Variants in TSPYL1 observed in about 807,000 individuals in gnomAD.
The protein encoded by TSPYL1 is testis-specific Y-encoded-like protein 1.
TSPYL1 carries 16 observed loss-of-function variants against 20.1 expected under a neutral mutation model. That is an observed-to-expected ratio of 0.80 (90% CI 0.54 to 1.21). The LOEUF (loss-of-function observed/expected upper bound fraction) is 1.21, where lower values mean the gene tolerates loss of function less well. Ranked by LOEUF, TSPYL1 falls within the 50% of genes most tolerant of loss-of-function variation. TSPYL1 has a pLI of 0.00. For missense variants in TSPYL1, 560 were observed against 569.3 expected, an observed-to-expected ratio of 0.98 and a Z score of 0.17; for synonymous variants, 259 against 227.1, an observed-to-expected ratio of 1.14 and a Z score of -1.26.
At position 116,276,313 on chromosome 6, in the gene TSPYL1, G is replaced by A. The variant is rs1316284574; in HGVS notation, c.*2204C>T. On this transcript the variant is annotated 3_prime_UTR_variant, in exon 1 of 1. Coordinates refer to ENST00000368608, the MANE Select transcript of TSPYL1 (RefSeq NM_003309.4). The stretch of plus-strand genomic sequence containing the variant: ...CCTGCATACAAGTTAATAAAAAGAA[G>A]AGCCTGAATAACCTGAGAATATAAT... Among the ~76,000 whole-genome samples the A allele has an allele frequency of 2.0e-5, 3 of 152,184 alleles. No individual in the cohort carries two copies. Among genetic ancestry groups the A allele is most frequent in the Admixed American group, 2.0e-4 (3 of 15,278 alleles).
Position 116,278,290 on chromosome 6 carries a change from G to A in TSPYL1, c.*227C>T, listed in dbSNP as rs2114631072. The A allele has an allele frequency of 1.8e-6, 1 of 565,746 alleles. No homozygotes were observed. The highest frequency in any genetic ancestry group is 3.2e-5 in the East Asian group (1 of 31,734). 35.0% of individuals were successfully genotyped at this position (565,746 alleles called of 1,614,324 possible). On this transcript the variant is annotated 3_prime_UTR_variant, in exon 1 of 1. Transcript: ENST00000368608. ...AAGTAGTGTGAAGGATGACCTCGTAGCATGTGATATTCCAGAACAGCATGA... is the reference window on the plus strand; with the variant it reads ...AAGTAGTGTGAAGGATGACCTCGTAACATGTGATATTCCAGAACAGCATGA...
In TSPYL1 at chr6:116,276,770, A is replaced by G. The variant is rs1364254070; in HGVS notation, c.*1747T>C. 6.6e-6 allele frequency: 1 copy of G among 152,270 alleles called. No homozygotes were observed. The highest frequency in any genetic ancestry group is 1.5e-5 in the Non-Finnish European group (1 of 68,046). The allele number at this position is 152,270 out of a possible 1,614,324, so 9.4% of individuals were successfully genotyped here. On this transcript the variant is annotated 3_prime_UTR_variant, in exon 1 of 1. Coordinates refer to ENST00000368608, the MANE Select transcript of TSPYL1 (RefSeq NM_003309.4). ...TATTTTACCATCATGCATAAAAAGG[A>G]AGACAAATATGCCAATGGTACACTT... is the stretch of plus-strand genomic sequence containing the variant.
Position 116,279,733 on chromosome 6 carries a change from T to TA in TSPYL1, c.97dup (p.Tyr33LeufsTer19). ...CTCGCTTTGGTCGCGGAGCCTCAGG[T>TA]ACTGGTGTGCGTCCTGGTCGCTCGG... On this transcript the variant is annotated frameshift_variant, in exon 1 of 1. Transcript: ENST00000368608. LOFTEE classifies it low-confidence loss of function (END_TRUNC). 6.2e-7 allele frequency: 1 copy of TA among 1,611,762 alleles called. No individual in the cohort carries two copies. Among genetic ancestry groups the TA allele is most frequent in the Non-Finnish European group, 8.5e-7 (1 of 1,180,022 alleles).
In TSPYL1 at chr6:116,279,244, G is replaced by A; in HGVS notation, c.587C>T (p.Pro196Leu). Reference protein sequence around the residue: ...MEEQMEVEEQPPEGEEIEVAE... With the variant: ...MEEQMEVEEQLPEGEEIEVAE... Reference sequence around the variant, plus strand: ...CACTTCTATTTCTTCACCTTCTGGCGGCTGCTCCTCTACCTCCATCTGCTC... The same window carrying A: ...CACTTCTATTTCTTCACCTTCTGGCAGCTGCTCCTCTACCTCCATCTGCTC... The change falls in exon 1 of 1, where the codon CCG (proline) becomes CTG (leucine). Residue 196 changes from proline (P) to leucine (L), a missense_variant. Transcript: ENST00000368608. The A allele has an allele frequency of 6.2e-7, 1 of 1,608,654 alleles. No homozygotes were observed. The highest frequency in any genetic ancestry group is 8.5e-7 in the Non-Finnish European group (1 of 1,179,774).
In TSPYL1 at chr6:116,277,871, C is replaced by T. The variant is rs1163893079; in HGVS notation, c.*646G>A. 2 of 132,336 alleles carry T rather than the reference C, an allele frequency of 1.5e-5. No individual in the cohort carries two copies. The highest frequency in any genetic ancestry group is 5.7e-5 in the African/African-American group (2 of 35,086). 8.2% of individuals were successfully genotyped at this position (132,336 alleles called of 1,614,324 possible). ...GAGCCGAGATCGCGCCACTGCACTCCAACCTGGGCGACAGAGCAAGACTCC... is the reference window on the plus strand; with the variant it reads ...GAGCCGAGATCGCGCCACTGCACTCTAACCTGGGCGACAGAGCAAGACTCC... On this transcript the variant is annotated 3_prime_UTR_variant, in exon 1 of 1. Coordinates refer to ENST00000368608, the MANE Select transcript of TSPYL1 (RefSeq NM_003309.4).
Position 116,278,819 on chromosome 6 carries a change from T to C in TSPYL1, c.1012A>G (p.Lys338Glu). ...NPYFRNKLIV[K>E]EYEVRSSGRV... ...CCGGAGGATCTTACCTCATATTCCT[T>C]GACAATCAGCTTGTTTCTGAAGTAG... is the stretch of plus-strand genomic sequence containing the variant. Residue 338 changes from lysine to glutamate, a missense_variant, in exon 1 of 1, where the codon AAG becomes GAG. Coordinates refer to ENST00000368608, the MANE Select transcript of TSPYL1 (RefSeq NM_003309.4). 1 of 1,614,174 alleles carries C rather than the reference T, an allele frequency of 6.2e-7. No individual in the cohort carries two copies.
Position 116,279,104 on chromosome 6 carries a change from TCA to T in TSPYL1, c.725_726del (p.Val242GlufsTer52), listed in dbSNP as rs775957625. ...TGGAAGGCCCTGTCGGCCTGAGCAT[TCA>T]CAGTGTCCAGTTCCAGCTGGATGGC... ...LEAIQLELDT[V>X]NAQADRAFQQ... On this transcript the variant is annotated frameshift_variant, in exon 1 of 1. Transcript: ENST00000368608. LOFTEE classifies it high-confidence loss of function. 53 of 1,614,076 alleles carry T rather than the reference TCA, an allele frequency of 3.3e-5. No homozygotes were observed. The highest frequency in any genetic ancestry group is 6.7e-5 in the Admixed American group (4 of 60,028).
Position 116,278,304 on chromosome 6 carries a change from A to G in TSPYL1, c.*213T>C, listed in dbSNP as rs1463967300. 3 of 600,966 alleles carry G rather than the reference A, an allele frequency of 5.0e-6. No homozygotes were observed. The highest frequency in any genetic ancestry group is 8.9e-6 in the Non-Finnish European group (3 of 338,552). The allele number at this position is 600,966 out of a possible 1,614,324, so 37.2% of individuals were successfully genotyped here. On this transcript the variant is annotated 3_prime_UTR_variant, in exon 1 of 1. Coordinates refer to ENST00000368608, the MANE Select transcript of TSPYL1 (RefSeq NM_003309.4). ...ATGACCTCGTAGCATGTGATATTCC[A>G]GAACAGCATGAAGGTCATATGGAAG...
At position 116,278,458 on chromosome 6, in the gene TSPYL1, C is replaced by T. The variant is rs1177595874; in HGVS notation, c.*59G>A. The T allele has an allele frequency of 5.6e-6, 9 of 1,610,350 alleles. No homozygotes were observed. The highest frequency in any genetic ancestry group is 7.6e-6 in the Non-Finnish European group (9 of 1,178,194). On this transcript the variant is annotated 3_prime_UTR_variant, in exon 1 of 1. Coordinates refer to ENST00000368608, the MANE Select transcript of TSPYL1 (RefSeq NM_003309.4). ...GGCATACTCATTGCTGATGCCCAAG[C>T]ACAGGTCCAGCAGAAGGTGGTAGGA...
Position 116,275,657 on chromosome 6 carries a change from G to A in TSPYL1, c.*2860C>T, listed in dbSNP as rs1253836769. On this transcript the variant is annotated 3_prime_UTR_variant, in exon 1 of 1. Coordinates refer to ENST00000368608, the MANE Select transcript of TSPYL1 (RefSeq NM_003309.4). The stretch of plus-strand genomic sequence containing the variant: ...CTACTAAAAATACAAAAAATTAGCC[G>A]GGCGTGGTAGCACGTGCCTGTAGTC... 6.6e-6 allele frequency among the ~76,000 whole-genome samples: 1 copy of A among 152,114 alleles called. No homozygotes were observed. The highest frequency in any genetic ancestry group is 2.4e-5 in the African/African-American group (1 of 41,430).
At position 116,279,193 on chromosome 6, in the gene TSPYL1, T is replaced by A. The variant is rs764860145; in HGVS notation, c.638A>T (p.Glu213Val). Residue 213 changes from glutamate to valine, a missense_variant, in exon 1 of 1, where the codon GAG (glutamate) becomes GTG (valine). Coordinates refer to ENST00000368608, the MANE Select transcript of TSPYL1 (RefSeq NM_003309.4). ...CCAGGGCCCTTCTTCCTCCCTCGCC[T>A]CCTCCTCCAATCTATCCTCCTCCGC... is the stretch of plus-strand genomic sequence containing the variant. ...EVAEEDRLEE[E>V]AREEEGPWPL... is the part of the protein sequence containing the mutation. The A allele has an allele frequency of 9.9e-6, 16 of 1,611,138 alleles. No homozygotes were observed. The highest frequency in any genetic ancestry group is 1.4e-5 in the Non-Finnish European group (16 of 1,179,606).
At position 116,276,116 on chromosome 6, in the gene TSPYL1, A is replaced by C. The variant is rs1183595331; in HGVS notation, c.*2401T>G. Among the ~76,000 whole-genome samples the C allele has an allele frequency of 6.6e-6, 1 of 152,230 alleles. No individual in the cohort carries two copies. Among genetic ancestry groups the C allele is most frequent in the Non-Finnish European group, 1.5e-5 (1 of 68,042 alleles). ...CCAAAGTACACTAAGTGCATAAAGA[A>C]ACATTTATCTCCTCTATGGGGAACA... On this transcript the variant is annotated 3_prime_UTR_variant, in exon 1 of 1. Coordinates refer to ENST00000368608, the MANE Select transcript of TSPYL1 (RefSeq NM_003309.4).
chr6:116,279,465 T>C lies in TSPYL1; in HGVS notation c.366A>G (p.Lys122=), dbSNP rs750649872. The change falls in exon 1 of 1, where the codon AAA becomes AAG. Residue 122 remains lysine, a synonymous_variant. Coordinates refer to ENST00000368608, the MANE Select transcript of TSPYL1 (RefSeq NM_003309.4). Reference sequence around the variant, plus strand: ...CCTTCTCTCCACCCTGAACGCCCTTTTTCAGGCTGCGGTCGGCTGCCATCA... The same window carrying C: ...CCTTCTCTCCACCCTGAACGCCCTTCTTCAGGCTGCGGTCGGCTGCCATCA... The part of the protein sequence containing the change: ...SVVMAADRSL[K]KGVQGGEKAL... 1 of 1,613,090 alleles carries C rather than the reference T, an allele frequency of 6.2e-7. No individual in the cohort carries two copies. Among genetic ancestry groups the C allele is most frequent in the Admixed American group, 1.7e-5 (1 of 60,030 alleles).
At position 116,275,615 on chromosome 6, in the gene TSPYL1, A is replaced by G. The variant is rs1181414386; in HGVS notation, c.*2902T>C. On this transcript the variant is annotated 3_prime_UTR_variant, in exon 1 of 1. Coordinates refer to ENST00000368608, the MANE Select transcript of TSPYL1 (RefSeq NM_003309.4). ...GGAGATGGAGACCATCCTGGCTAAC[A>G]TGGTGAAACCCCATCTCTACTAAAA... 1.3e-5 allele frequency among the ~76,000 whole-genome samples: 2 copies of G among 152,174 alleles called. No homozygotes were observed. Among genetic ancestry groups the G allele is most frequent in the African/African-American group, 4.8e-5 (2 of 41,450 alleles).
chr6:116,278,267 G>C lies in TSPYL1; in HGVS notation c.*250C>G. ...ACAGTATCATTTGCTTGGCTTACAA[G>C]TAGTGTGAAGGATGACCTCGTAGCA... On this transcript the variant is annotated 3_prime_UTR_variant, in exon 1 of 1. Coordinates refer to ENST00000368608, the MANE Select transcript of TSPYL1 (RefSeq NM_003309.4). The C allele has an allele frequency of 4.0e-6, 2 of 505,792 alleles. No individual in the cohort carries two copies. The highest frequency in any genetic ancestry group is 7.5e-5 in the East Asian group (2 of 26,668). 31.3% of individuals were successfully genotyped at this position (505,792 alleles called of 1,614,324 possible).
Position 116,279,623 on chromosome 6 carries a change from C to CCGCG in TSPYL1, c.207_208insCGCG (p.Val70ArgfsTer75), listed in dbSNP as rs1773374555. On this transcript the variant is annotated frameshift_variant, in exon 1 of 1. Coordinates refer to ENST00000368608, the MANE Select transcript of TSPYL1 (RefSeq NM_003309.4). LOFTEE classifies it low-confidence loss of function (END_TRUNC). Reference sequence around the variant, plus strand: ...CCACGGCCCGCGGCATCCTGGGGTACGCCCCCCTCCTCTGAAGGCGGTGGA... The same window carrying CCGCG: ...CCACGGCCCGCGGCATCCTGGGGTACCGCGGCCCCCCTCCTCTGAAGGCGGTGGA... 6.2e-7 allele frequency: 1 copy of CCGCG among 1,603,076 alleles called. No homozygotes were observed.
chr6:116,275,317 A>G lies in TSPYL1; in HGVS notation c.*3200T>C, dbSNP rs1295653777. Among the ~76,000 whole-genome samples, 1 of 152,232 alleles carries G rather than the reference A, an allele frequency of 6.6e-6. No individual in the cohort carries two copies. The highest frequency in any genetic ancestry group is 2.4e-5 in the African/African-American group (1 of 41,458). ...CTGTTAAAATGCAAGTGAAAGATTT[A>G]ATGTTGAAAGTGTTTAGACGTTTTC... On this transcript the variant is annotated 3_prime_UTR_variant, in exon 1 of 1. Coordinates refer to ENST00000368608, the MANE Select transcript of TSPYL1 (RefSeq NM_003309.4).
chr6:116,279,199 TCCAATCTATCCTCCTCCG>T lies in TSPYL1; in HGVS notation c.614_631del (p.Ala205_Leu210del). On this transcript the variant is annotated inframe_deletion, in exon 1 of 1. Coordinates refer to ENST00000368608, the MANE Select transcript of TSPYL1 (RefSeq NM_003309.4). Reference sequence around the variant, plus strand: ...CCCTTCTTCCTCCCTCGCCTCCTCCTCCAATCTATCCTCCTCCGCCACTTCTATTTCTTCACCTTCTGG... The same window carrying T: ...CCCTTCTTCCTCCCTCGCCTCCTCCTCCACTTCTATTTCTTCACCTTCTGG... 1 of 1,610,672 alleles carries T rather than the reference TCCAATCTATCCTCCTCCG, an allele frequency of 6.2e-7. No homozygotes were observed. The highest frequency in any genetic ancestry group is 8.5e-7 in the Non-Finnish European group (1 of 1,179,572).
At position 116,279,199 on chromosome 6, in the gene TSPYL1, T is replaced by C. The variant is rs1481942551; in HGVS notation, c.632A>G (p.Glu211Gly). 1.2e-6 allele frequency: 2 copies of C among 1,610,672 alleles called. No homozygotes were observed. The highest frequency in any genetic ancestry group is 1.7e-6 in the Non-Finnish European group (2 of 1,179,572). ...EIEVAEEDRL[E>G]EEAREEEGPW... ...CCCTTCTTCCTCCCTCGCCTCCTCCTCCAATCTATCCTCCTCCGCCACTTC... is the reference window on the plus strand; with the variant it reads ...CCCTTCTTCCTCCCTCGCCTCCTCCCCCAATCTATCCTCCTCCGCCACTTC... The change falls in exon 1 of 1, where the codon GAG becomes GGG. Residue 211 changes from glutamate to glycine, a missense_variant. Coordinates refer to ENST00000368608, the MANE Select transcript of TSPYL1 (RefSeq NM_003309.4).
Sources: gnomAD v4.1 joint callset for allele counts (sites outside exome capture counted in the v4.1 genomes callset) on GRCh38, gnomAD v4.1.1 for gene constraint, MANE v1.5 for transcripts, NCBI Gene and HGNC (gene_info 2026-07-23, HGNC 2026-07-21) for gene names.